The following SORCS2 variants were observed in gnomAD, a reference collection of about 807,000 sequenced individuals.
SORCS2 encodes the protein VPS10 domain-containing receptor SorCS2.
A neutral mutation model predicts 141.6 loss-of-function variants in SORCS2; 100 were observed. The ratio of observed to expected loss-of-function variants is 0.71; its 90% CI spans 0.60 to 0.83. SORCS2 has a LOEUF of 0.83. SORCS2 is among the 40% of genes least tolerant of loss of function. The pLI, the probability that SORCS2 is intolerant of heterozygous loss-of-function variation, is 0.00. For missense variants in SORCS2, 1,646 were observed against 1,560.2 expected (o/e 1.05, Z -0.93); for synonymous variants, 789 against 676.9 (o/e 1.17, Z -2.57).
At chr4:7,698,091 C>T (rs1269365375) in intron 12 of SORCS2, among the ~76,000 whole-genome samples, 1 of 151,642 alleles carries the variant, frequency 6.6e-6, no homozygotes, top group Non-Finnish European at 1.5e-5. Flanking sequence ...GGGCTCCCCA[C>T]CCCAGGAGGG....
At chr4:7,652,416 C>G (rs1721501517) in intron 4 of SORCS2, among the ~76,000 whole-genome samples, 1 of 152,184 alleles carries the variant, frequency 6.6e-6, no homozygotes, top group South Asian at 2.1e-4. Flanking sequence ...GGCCCCTTCC[C>G]TTCTCCCCAG....
At chr4:7,647,107 G>A (rs75008067) in intron 4 of SORCS2, among the ~76,000 whole-genome samples, 1 of 152,308 alleles carries the variant, frequency 6.6e-6, no homozygotes, top group African/African-American at 2.4e-5. Flanking sequence ...GGGAAGTAGG[G>A]ATGCTCCAGG....
intron 2 of SORCS2, among the ~76,000 whole-genome samples, chr4:7,447,971 C>T (rs546401878): frequency 2.0e-5 from 3 of 152,272 alleles, no homozygotes; most frequent in South Asian, 2.1e-4. Flanking sequence ...CACGCCTGCT[C>T]GGTTTTGCCA....
chr4:7,267,556 C>A (rs1342792329), intron 1 of SORCS2, among the ~76,000 whole-genome samples: 2 of 152,222 alleles, frequency 1.3e-5, no homozygotes, highest in East Asian at 1.9e-4. Flanking sequence ...GCCAGCCAGG[C>A]ACCGTGGCTC....
At chr4:7,384,077 G>A (rs776670268) in intron 1 of SORCS2, among the ~76,000 whole-genome samples, 23 of 152,342 alleles carry the variant, frequency 1.5e-4, no homozygotes, top group Non-Finnish European at 3.2e-4. Context: ...GCCTGTGAAG[G>A]TGTCCAATGC....
At chr4:7,690,013 G>A (rs1724122078) in intron 11 of SORCS2, among the ~76,000 whole-genome samples, 1 of 139,068 alleles carries the variant, frequency 7.2e-6, no homozygotes, top group South Asian at 2.1e-4. Flanking sequence ...ATGAGTGGAT[G>A]GATGAGTGGG....
intron 2 of SORCS2, among the ~76,000 whole-genome samples, chr4:7,426,451 G>T (rs1285493555): frequency 6.6e-6 from 1 of 152,218 alleles, no homozygotes; most frequent in Non-Finnish European, 1.5e-5. Flanking sequence ...TGTAGGCCAG[G>T]TGTGGCTCAC....
chr4:7,618,090 C>T (rs1577847350), intron 3 of SORCS2, among the ~76,000 whole-genome samples: 1 of 152,154 alleles, frequency 6.6e-6, no homozygotes, highest in South Asian at 2.1e-4. Context: ...ATGACACCCC[C>T]TCGGAGGGTG....
At chr4:7,452,750 G>A (rs1728545960) in intron 2 of SORCS2, among the ~76,000 whole-genome samples, 2 of 152,254 alleles carry the variant, frequency 1.3e-5, no homozygotes, top group Non-Finnish European at 2.9e-5. Flanking sequence ...CCGGAAAGAT[G>A]AGGTGAGCAG....
At chr4:7,391,626 C>A (rs1389782893) in intron 1 of SORCS2, among the ~76,000 whole-genome samples, 3 of 152,186 alleles carry the variant, frequency 2.0e-5, no homozygotes, top group Non-Finnish European at 2.9e-5. Context: ...AGGGAGCGAG[C>A]AGGCCCTTCC....
chr4:7,724,857 TGATGGTGGTGG>T (rs1727050580), intron 19 of SORCS2, among the ~76,000 whole-genome samples: 1 of 90,156 alleles, frequency 1.1e-5, no homozygotes, highest in Non-Finnish European at 2.5e-5. Flanking sequence ...GTGGTAGTGG[TGATGGTGGTGG>T]TAGTGGTGAT....
intron 3 of SORCS2, among the ~76,000 whole-genome samples, chr4:7,597,783 G>A (rs1278770817): frequency 1.3e-5 from 2 of 151,962 alleles, no homozygotes; most frequent in African/African-American, 4.8e-5. Flanking sequence ...TCTATAAGCA[G>A]CTCAAAGGTC....
At chr4:7,455,808 G>A (rs1162243124) in intron 2 of SORCS2, among the ~76,000 whole-genome samples, 2 of 152,036 alleles carry the variant, frequency 1.3e-5, no homozygotes, top group Admixed American at 1.3e-4. Context: ...CAGTGTTAGG[G>A]TCAGGCTCTG....
chr4:7,619,505 C>T (rs1002425032), intron 3 of SORCS2, among the ~76,000 whole-genome samples: 1 of 152,184 alleles, frequency 6.6e-6, no homozygotes, highest in African/African-American at 2.4e-5. Context: ...CACTCAGGGA[C>T]ATGAGGGACA....
intron 1 of SORCS2, among the ~76,000 whole-genome samples, chr4:7,196,924 G>A (rs1357729914): frequency 3.9e-5 from 6 of 152,206 alleles, no homozygotes; most frequent in Admixed American, 3.3e-4. Flanking sequence ...CCCCAAGTTT[G>A]CGTGAGAATT....
At chr4:7,362,666 C>T (rs1300206689) in intron 1 of SORCS2, among the ~76,000 whole-genome samples, 1 of 151,972 alleles carries the variant, frequency 6.6e-6, no homozygotes, top group Non-Finnish European at 1.5e-5. Flanking sequence ...AGGGTGAGGG[C>T]AGTGCTACCA....
intron 2 of SORCS2, among the ~76,000 whole-genome samples, chr4:7,484,244 G>A (rs6831289): frequency 0.013 from 2,040 of 152,284 alleles, 37 homozygotes; most frequent in African/African-American, 0.047. Flanking sequence ...CGTATTTTCC[G>A]AGGTGATCGA....
chr4:7,231,249 G>C (rs145970913), intron 1 of SORCS2, among the ~76,000 whole-genome samples: 1 of 152,216 alleles, frequency 6.6e-6, no homozygotes, highest in East Asian at 1.9e-4. Flanking sequence ...CTTTTAATTG[G>C]GGGGAGGGTC....
At chr4:7,472,677 G>C (rs2109349192) in intron 2 of SORCS2, among the ~76,000 whole-genome samples, 1 of 152,308 alleles carries the variant, frequency 6.6e-6, no homozygotes, top group South Asian at 2.1e-4. Flanking sequence ...GAAGAAGTGG[G>C]AGGCGGCAAG....
Sources: gnomAD v4.1 joint callset for allele counts (sites outside exome capture counted in the v4.1 genomes callset) on GRCh38, gnomAD v4.1.1 for gene constraint, MANE v1.5 for transcripts, NCBI Gene and HGNC (gene_info 2026-07-23, HGNC 2026-07-21) for gene names.